ZFAND3: variants seen among roughly 807,000 people sequenced by gnomAD.
ZFAND3 encodes the protein AN1-type zinc finger protein 3.
A neutral mutation model predicts 29.6 loss-of-function variants in ZFAND3; 10 were observed. The ratio of observed to expected loss-of-function variants is 0.34; its 90% confidence interval spans 0.21 to 0.57. ZFAND3 has a LOEUF of 0.57. Among genes scored for constraint, ZFAND3 ranks in the 20% least tolerant of loss-of-function variants. The pLI is 0.86. For synonymous variants in ZFAND3, 128 were observed against 112.6 expected, an observed-to-expected ratio of 1.14 and a Z score of -0.87; for missense variants, 230 against 304.5, an observed-to-expected ratio of 0.76 and a Z score of 1.82.
At chr6:37,844,095 T>G (rs942360281) in intron 1 of ZFAND3, among the ~76,000 whole-genome samples, 2 of 152,032 alleles carry the variant, frequency 1.3e-5, no homozygotes, top group Non-Finnish European at 1.5e-5. Context: ...TTTTTTTCTT[T>G]TCTTTTTTTT....
intron 4 of ZFAND3, among the ~76,000 whole-genome samples, chr6:38,102,895 T>C (rs1332498020): frequency 6.6e-6 from 1 of 152,152 alleles, no homozygotes; most frequent in African/African-American, 2.4e-5. Flanking sequence ...TAGCTGGGAC[T>C]ACAGGCGCGT....
At chr6:38,018,251 A>T (rs60624986) in intron 2 of ZFAND3, among the ~76,000 whole-genome samples, 15 of 152,348 alleles carry the variant, frequency 9.8e-5, no homozygotes, top group African/African-American at 3.6e-4. Context: ...TTCTCATATT[A>T]ATAAATGAAG....
At chr6:37,981,992 T>A (rs931828869) in intron 2 of ZFAND3, among the ~76,000 whole-genome samples, 1 of 152,142 alleles carries the variant, frequency 6.6e-6, no homozygotes, top group Non-Finnish European at 1.5e-5. Context: ...ACAGTTTCAT[T>A]CTTTTGAGTT....
At chr6:37,993,137 C>T (rs867743299) in intron 2 of ZFAND3, among the ~76,000 whole-genome samples, 4 of 151,984 alleles carry the variant, frequency 2.6e-5, no homozygotes, top group East Asian at 1.9e-4. Context: ...TTCAATCTCA[C>T]GTTTGGATTA....
intron 5 of ZFAND3, among the ~76,000 whole-genome samples, chr6:38,144,997 TAA>T (rs1766074404): frequency 6.6e-6 from 1 of 152,202 alleles, no homozygotes; most frequent in African/African-American, 2.4e-5. Flanking sequence ...AAATTCTGTG[TAA>T]AAGGGCAGTT....
intron 1 of ZFAND3, among the ~76,000 whole-genome samples, chr6:37,918,166 T>C (rs1761297747): frequency 6.6e-6 from 1 of 151,174 alleles, no homozygotes; most frequent in Admixed American, 6.6e-5. Context: ...AAGCTCTGCC[T>C]CACGGGTTCA....
At chr6:38,141,117 G>C (rs1923280) in intron 5 of ZFAND3, among the ~76,000 whole-genome samples, 10,245 of 152,076 alleles carry the variant, frequency 0.067, 413 homozygotes, top group Non-Finnish European at 0.087. Flanking sequence ...TGACCTTTTT[G>C]AGTTATCGTG....
intron 1 of ZFAND3, among the ~76,000 whole-genome samples, chr6:37,879,353 G>T (rs1764850401): frequency 6.6e-6 from 1 of 151,382 alleles, no homozygotes; most frequent in South Asian, 2.1e-4. Context: ...TTTTTTTGTG[G>T]GGGAGCGGGT....
At chr6:38,102,075 T>C (rs1246853321) in intron 4 of ZFAND3, among the ~76,000 whole-genome samples, 2 of 152,116 alleles carry the variant, frequency 1.3e-5, no homozygotes, top group Non-Finnish European at 2.9e-5. Flanking sequence ...GAAATCATCT[T>C]CCTCCTTTCT....
chr6:37,837,346 T>C (rs780579662), intron 1 of ZFAND3, among the ~76,000 whole-genome samples: 6 of 152,184 alleles, frequency 3.9e-5, no homozygotes, highest in Non-Finnish European at 8.8e-5. Flanking sequence ...TTTTCAGATA[T>C]TCTAAAAATC....
rs191460715 is a variant in ZFAND3, at chr6:37,931,260, C to T, written c.112+1261C>T. On this transcript the variant is annotated intron_variant, in intron 2 of 5. Coordinates refer to ENST00000287218, the MANE Select transcript of ZFAND3 (RefSeq NM_021943.3). The stretch of plus-strand genomic sequence containing the variant: ...AAATGATCTAAGAGGATAGTTAGGG[C>T]CTATCTTCAGATGCTGGCTAGAACA... 5.3e-5 allele frequency among the ~76,000 whole-genome samples: 8 copies of T among 152,220 alleles called. No homozygotes were observed. In the East Asian group the frequency reaches 1.3e-3, roughly 26 times the overall value.
chr6:37,854,870 G>T (rs915965650), intron 1 of ZFAND3, among the ~76,000 whole-genome samples: 2 of 147,766 alleles, frequency 1.4e-5, no homozygotes, highest in African/African-American at 2.5e-5. Flanking sequence ...TATGTCTTTG[G>T]TCTGAAAAGC....
chr6:38,007,160 G>T (rs908731683), intron 2 of ZFAND3, among the ~76,000 whole-genome samples: 1 of 152,102 alleles, frequency 6.6e-6, no homozygotes, highest in Non-Finnish European at 1.5e-5. Context: ...TATAACAAAT[G>T]TAACAATATA....
chr6:37,858,303 T>C (rs1764420891), intron 1 of ZFAND3, among the ~76,000 whole-genome samples: 1 of 152,208 alleles, frequency 6.6e-6, no homozygotes, highest in Non-Finnish European at 1.5e-5. Flanking sequence ...TGGGACACTT[T>C]TCCTGGGGAG....
intron 1 of ZFAND3, among the ~76,000 whole-genome samples, chr6:37,869,054 T>A (rs1764642707): frequency 6.6e-6 from 1 of 152,242 alleles, no homozygotes; most frequent in Admixed American, 6.5e-5. Context: ...ATAAGTTATA[T>A]TTCTCATGGA....
chr6:38,124,322 C>T (rs545052643), intron 5 of ZFAND3, among the ~76,000 whole-genome samples: 135 of 152,350 alleles, frequency 8.9e-4, no homozygotes, highest in African/African-American at 2.9e-3. Context: ...CCGCGCCATG[C>T]GCCCGCAATC....
intron 1 of ZFAND3, among the ~76,000 whole-genome samples, chr6:37,903,314 CGT>C (rs987189899): frequency 2.6e-5 from 4 of 152,156 alleles, no homozygotes; most frequent in Admixed American, 6.5e-5. Context: ...TTCTTTGACA[CGT>C]GAAATATTCT....
At chr6:37,958,727 C>A (rs1474028915) in intron 2 of ZFAND3, among the ~76,000 whole-genome samples, 1 of 152,016 alleles carries the variant, frequency 6.6e-6, no homozygotes, top group Non-Finnish European at 1.5e-5. Context: ...CTTGGCTTTT[C>A]AGGACCGCCC....
At chr6:38,099,902 T>C (rs1359682483) in intron 4 of ZFAND3, among the ~76,000 whole-genome samples, 1 of 152,206 alleles carries the variant, frequency 6.6e-6, no homozygotes, top group Non-Finnish European at 1.5e-5. Context: ...AAAAGAAAGC[T>C]GTATGCAGGG....
Sources: gnomAD v4.1 joint callset for allele counts (sites outside exome capture counted in the v4.1 genomes callset) on GRCh38, gnomAD v4.1.1 for gene constraint, MANE v1.5 for transcripts, NCBI Gene and HGNC (gene_info 2026-07-23, HGNC 2026-07-21) for gene names.